The following CRTC3 variants were observed in gnomAD, a reference collection of about 807,000 sequenced individuals.
CRTC3 encodes CREB regulated transcription coactivator 3, also known as CREB-regulated transcription coactivator 3.
A neutral mutation model predicts 74.5 loss-of-function variants in CRTC3; 26 were observed. The observed-to-expected ratio is 0.35, with a 90% CI of 0.26 to 0.48. CRTC3 has a LOEUF of 0.48. Among genes scored for constraint, CRTC3 ranks in the 20% least tolerant of loss-of-function variants. The pLI, the probability that CRTC3 is intolerant of heterozygous loss-of-function variation, is 0.99. For synonymous variants in CRTC3, 377 were observed against 325.8 expected (o/e 1.16, Z -1.69); for missense variants, 760 against 787.3 (o/e 0.97, Z 0.41).
chr15:90,641,233 T>C lies in CRTC3; in HGVS notation c.1651+34T>C, dbSNP rs368645500. 8.1e-6 allele frequency: 11 copies of C among 1,364,368 alleles called. No individual in the cohort carries two copies. In the African/African-American group the frequency reaches 1.6e-4, roughly 19 times the overall value. 84.5% of individuals were successfully genotyped at this position (1,364,368 alleles called of 1,614,324 possible). A position where few individuals can be genotyped will look rare whatever the true frequency, so the allele number is the denominator to read the frequency against. On this transcript the variant is annotated intron_variant, in intron 14 of 14. Coordinates refer to ENST00000268184, the MANE Select transcript of CRTC3 (RefSeq NM_022769.5). ...GCTATCCCTCAGCTTCTTTACTGCT[T>C]TTATGTTGTTGTGTGTTCAGGAACC...
At chr15:90,547,773 T>G (rs1966846888) in intron 2 of CRTC3, among the ~76,000 whole-genome samples, 1 of 152,084 alleles carries the variant, frequency 6.6e-6, no homozygotes, top group Non-Finnish European at 1.5e-5. Flanking sequence ...TGTTCCAGCC[T>G]GTGTAACAGC....
At chr15:90,570,815 C>T (rs1316725105) in intron 2 of CRTC3, among the ~76,000 whole-genome samples, 1 of 151,948 alleles carries the variant, frequency 6.6e-6, no homozygotes, top group Non-Finnish European at 1.5e-5. Flanking sequence ...CTGTTACACA[C>T]ATTACTTGAT....
rs77748519 is a variant in CRTC3, at chr15:90,617,932, G to A, written c.663G>A (p.Pro221=). ...AAGAAGAGAATCTGTTAAATGTTCC[G>A]AAGCCACTGCCAAAACAACTGTGGG... is the stretch of plus-strand genomic sequence containing the variant. ...PLKEENLLNV[P]KPLPKQLWET... The change falls in exon 8 of 15, where the codon CCG becomes CCA. Residue 221 remains proline, a synonymous_variant. Transcript: ENST00000268184. The A allele has an allele frequency of 4.5e-3, 7,235 of 1,612,776 alleles. 143 individuals carry two copies. The East Asian group carries it at 0.066, about 15-fold the overall frequency.
intron 1 of CRTC3, among the ~76,000 whole-genome samples, chr15:90,534,653 A>T (rs1045199798): frequency 2.0e-5 from 3 of 152,170 alleles, no homozygotes; most frequent in Non-Finnish European, 4.4e-5. Context: ...GAAAAATGAG[A>T]TAATCCAACG....
At position 90,551,944 on chromosome 15, in the gene CRTC3, G is replaced by GCGCACACA. The variant is rs1555446977; in HGVS notation, c.231+11808_231+11809insGCACACAC. Among the ~76,000 whole-genome samples, 45 of 129,272 alleles carry GCGCACACA rather than the reference G, an allele frequency of 3.5e-4. 1 individual carries two copies. The highest frequency in any genetic ancestry group is 4.1e-4 in the East Asian group (2 of 4,852). The allele number at this position is 129,272 out of a possible 152,430, so 84.8% of individuals were successfully genotyped here. A position where few individuals can be genotyped will look rare whatever the true frequency, so the allele number is the denominator to read the frequency against. ...ATTACACACACGCACACACACACAC[G>GCGCACACA]CACACACACACACACACACACACAA... On this transcript the variant is annotated intron_variant, in intron 2 of 14. Transcript: ENST00000268184.
At chr15:90,585,031 G>A (rs989176541) in intron 2 of CRTC3, among the ~76,000 whole-genome samples, 1 of 152,198 alleles carries the variant, frequency 6.6e-6, no homozygotes, top group Admixed American at 6.5e-5. Flanking sequence ...TAGGTGTGCC[G>A]TTTGTATTGC....
Position 90,607,416 on chromosome 15 carries a change from G to A in CRTC3, c.515G>A (p.Ser172Asn), listed in dbSNP as rs1168065091. The change falls in exon 6 of 15, where the codon AGT (serine) becomes AAT (asparagine). Residue 172 changes from serine to asparagine, a missense_variant. Physicochemically the swap from Ser to Asn is conservative, Grantham distance 46. This residue lies in a region of CRTC3 where 652 missense variants were observed against 635.2 expected (regional missense o/e 1.03). Transcript: ENST00000268184. ...TCTGCTCTTCACACGAGTGCTCTGA[G>A]TACCAAGCCCCAGGACCCCTATGGA... ...SDSALHTSAL[S>N]TKPQDPYGGG... is the part of the protein sequence containing the mutation. The A allele has an allele frequency of 6.2e-7, 1 of 1,613,460 alleles. No individual in the cohort carries two copies. The highest frequency in any genetic ancestry group is 8.5e-7 in the Non-Finnish European group (1 of 1,179,704).
chr15:90,641,493 C>G (rs547448053), intron 14 of CRTC3, among the ~76,000 whole-genome samples: 60 of 151,970 alleles, frequency 3.9e-4, no homozygotes, highest in African/African-American at 1.1e-3. Context: ...GTCAGGAGAT[C>G]GAGACCATTC....
intron 2 of CRTC3, among the ~76,000 whole-genome samples, chr15:90,585,535 C>G (rs1350725342): frequency 6.6e-6 from 1 of 152,098 alleles, no homozygotes; most frequent in East Asian, 1.9e-4. Flanking sequence ...TTTATGTAGG[C>G]TATATAGCAA....
intron 6 of CRTC3, among the ~76,000 whole-genome samples, chr15:90,610,762 G>A (rs1968337270): frequency 6.6e-6 from 1 of 152,172 alleles, no homozygotes; most frequent in Admixed American, 6.5e-5. Flanking sequence ...CTGTCCCATA[G>A]CCTAGGACTG....
At chr15:90,557,520 C>T (rs367853652) in intron 2 of CRTC3, among the ~76,000 whole-genome samples, 1 of 152,302 alleles carries the variant, frequency 6.6e-6, no homozygotes, top group East Asian at 1.9e-4. Flanking sequence ...AATGGTGCCC[C>T]TCTTTGAGGG....
chr15:90,628,568 T>C (rs980809394), intron 10 of CRTC3, among the ~76,000 whole-genome samples: 5 of 152,186 alleles, frequency 3.3e-5, no homozygotes, highest in African/African-American at 1.2e-4. Flanking sequence ...AAGATCTCTC[T>C]CCCAAATTTC....
intron 10 of CRTC3, among the ~76,000 whole-genome samples, chr15:90,626,422 A>T (rs1968835586): frequency 6.6e-6 from 1 of 152,228 alleles, no homozygotes; most frequent in African/African-American, 2.4e-5. Flanking sequence ...TACAGTGGAT[A>T]TGATGAAAAT....
intron 2 of CRTC3, among the ~76,000 whole-genome samples, chr15:90,582,980 C>T (rs1450380743): frequency 1.3e-5 from 2 of 152,018 alleles, no homozygotes; most frequent in Admixed American, 6.6e-5. Flanking sequence ...GAACTCTGGG[C>T]GTGTTTTATG....
At chr15:90,583,224 A>AT (rs1182568150) in intron 2 of CRTC3, among the ~76,000 whole-genome samples, 2 of 152,148 alleles carry the variant, frequency 1.3e-5, no homozygotes, top group African/African-American at 2.4e-5. Context: ...CCTGCTAAAA[A>AT]CAAAACAACC....
At chr15:90,613,374 C>CT (rs1253411222) in intron 6 of CRTC3, among the ~76,000 whole-genome samples, 1 of 152,070 alleles carries the variant, frequency 6.6e-6, no homozygotes, top group African/African-American at 2.4e-5. Context: ...GAAAGAAATT[C>CT]TGTCTTTGTG....
chr15:90,550,365 G>T (rs1043781906), intron 2 of CRTC3, among the ~76,000 whole-genome samples: 1 of 149,994 alleles, frequency 6.7e-6, no homozygotes, highest in African/African-American at 2.5e-5. Context: ...TGCTGAGATC[G>T]CACCATTGCA....
At chr15:90,599,135 T>A (rs917862470) in intron 3 of CRTC3, 1 of 152,162 alleles carries the variant, frequency 6.6e-6, no homozygotes, top group Non-Finnish European at 1.5e-5. Context: ...GGATTTTTTT[T>A]TTTAACTTTA....
chr15:90,619,223 G>A (rs1364835318), intron 8 of CRTC3, among the ~76,000 whole-genome samples: 2 of 152,160 alleles, frequency 1.3e-5, no homozygotes, highest in Admixed American at 6.5e-5. Flanking sequence ...TTGGGAGGCC[G>A]AGGCGGGTGG....
Sources: allele counts gnomAD v4.1 joint callset (sites outside exome capture counted in the v4.1 genomes callset), GRCh38; gene constraint gnomAD v4.1.1; regional missense constraint gnomAD v4.1.1; transcripts MANE v1.5; gene names NCBI Gene and HGNC (gene_info 2026-07-23, HGNC 2026-07-21).